DCC: variants seen among roughly 807,000 people sequenced by gnomAD.
DCC encodes netrin receptor DCC.
A neutral mutation model predicts 172.5 loss-of-function variants in DCC; 58 were observed. That is an observed-to-expected ratio of 0.34 (90% CI 0.27 to 0.42). The LOEUF (loss-of-function observed/expected upper bound fraction) is 0.42. DCC is among the 10% of genes least tolerant of loss of function. DCC has a pLI of 1.00. For missense variants in DCC, 1,740 were observed against 1,791.0 expected (o/e 0.97, Z 0.51); for synonymous variants, 709 against 644.5 (o/e 1.10, Z -1.52).
intron 25 of DCC, among the ~76,000 whole-genome samples, chr18:53,484,645 A>C (rs2144350832): frequency 6.6e-6 from 1 of 152,110 alleles, no homozygotes; most frequent in Admixed American, 6.6e-5. Context: ...ATTATTTTCA[A>C]TGTGAAAATC....
intron 26 of DCC, 135 bp from the exon 27 acceptor site, chr18:53,499,163 A>G (rs889696393): frequency 1.6e-5 from 13 of 828,522 alleles, no homozygotes; most frequent in Middle Eastern, 3.4e-4. Context: ...ACGAATGACA[A>G]TGTTCATAAC....
At chr18:53,124,194 T>A (rs2043522243) in intron 7 of DCC, among the ~76,000 whole-genome samples, 1 of 152,144 alleles carries the variant, frequency 6.6e-6, no homozygotes, top group Non-Finnish European at 1.5e-5. Flanking sequence ...TAAAACACTT[T>A]TAGGTTTAAC....
At chr18:52,737,069 G>T (rs1425164983) in intron 1 of DCC, among the ~76,000 whole-genome samples, 5 of 152,140 alleles carry the variant, frequency 3.3e-5, no homozygotes, top group African/African-American at 1.2e-4. Flanking sequence ...GGGACTTGCT[G>T]TTTATTATTT....
rs1441000378 is a variant in DCC at position 53,530,715 on chromosome 18, T to C, written c.*62T>C. 3.7e-5 allele frequency: 32 copies of C among 869,780 alleles called. No homozygotes were observed. The highest frequency in any genetic ancestry group is 5.6e-5 in the Non-Finnish European group (28 of 500,262). The allele number at this position is 869,780 out of a possible 1,614,324, so 53.9% of individuals were successfully genotyped here. A position where few individuals can be genotyped will look rare whatever the true frequency, so the allele number is the denominator to read the frequency against. ...AACTTTGCAGCATACCAATTACCCA[T>C]AAACAGCACACCTGTGTCCAAGAAC... On this transcript the variant is annotated 3_prime_UTR_variant, in exon 29 of 29. Coordinates refer to ENST00000442544, the MANE Select transcript of DCC (RefSeq NM_005215.4).
At chr18:52,851,384 C>T (rs552224183) in intron 2 of DCC, among the ~76,000 whole-genome samples, 20 of 152,026 alleles carry the variant, frequency 1.3e-4, no homozygotes, top group Admixed American at 2.0e-4. Flanking sequence ...CAATAGAATT[C>T]CCAAACAGCC....
At chr18:53,523,575 G>T (rs2046423613) in intron 27 of DCC, among the ~76,000 whole-genome samples, 1 of 152,136 alleles carries the variant, frequency 6.6e-6, no homozygotes, top group Non-Finnish European at 1.5e-5. Flanking sequence ...ATACAATGCA[G>T]CCATAAAAAA....
chr18:53,504,180 C>A (rs960227137), intron 27 of DCC, among the ~76,000 whole-genome samples: 1 of 152,194 alleles, frequency 6.6e-6, no homozygotes, highest in African/African-American at 2.4e-5. Flanking sequence ...TCTGCTATCA[C>A]ACAAAACTGC....
chr18:52,969,868 T>C (rs1357457921), intron 5 of DCC, among the ~76,000 whole-genome samples: 2 of 152,128 alleles, frequency 1.3e-5, no homozygotes, highest in African/African-American at 4.8e-5. Context: ...GCCTTGTGTG[T>C]AGCAGGTATT....
intron 12 of DCC, among the ~76,000 whole-genome samples, chr18:53,256,935 G>A (rs1454950158): frequency 1.3e-5 from 2 of 152,140 alleles, no homozygotes; most frequent in Non-Finnish European, 2.9e-5. Flanking sequence ...CACATCCCTT[G>A]TAAGTTGTAT....
chr18:52,488,771 G>C (rs551589611), intron 1 of DCC, among the ~76,000 whole-genome samples: 1 of 152,164 alleles, frequency 6.6e-6, no homozygotes, highest in South Asian at 2.1e-4. Context: ...GCATCTATAA[G>C]ACTGTTTTAT....
At chr18:53,526,971 T>TA in intron 28 of DCC, 1 of 574,404 alleles carries the variant, frequency 1.7e-6, no homozygotes, top group Non-Finnish European at 3.1e-6. Context: ...CTTAGTTATG[T>TA]AAAAAAGTTG....
chr18:52,532,913 G>T (rs1364577249), intron 1 of DCC, among the ~76,000 whole-genome samples: 1 of 152,000 alleles, frequency 6.6e-6, no homozygotes, highest in African/African-American at 2.4e-5. Context: ...TCTCCCTAAA[G>T]AGAACACCAT....
In DCC at chr18:53,481,830, G is replaced by C. The variant is rs115722407; in HGVS notation, c.3737-4967G>C. On this transcript the variant is annotated intron_variant, in intron 25 of 28. Transcript: ENST00000442544. ...AAGTTTTCAAATACCAATGTGCCTT[G>C]TTCAGGGAGCTAAGTAATTTGGTGA... Among the ~76,000 whole-genome samples, 1,372 of 152,218 alleles carry C rather than the reference G, an allele frequency of 9.0e-3. 23 individuals are homozygous for C. The highest frequency in any genetic ancestry group is 0.031 in the African/African-American group (1,301 of 41,524).
chr18:52,482,935 T>C (rs909920185), intron 1 of DCC, among the ~76,000 whole-genome samples: 3 of 152,150 alleles, frequency 2.0e-5, no homozygotes, highest in Non-Finnish European at 4.4e-5. Flanking sequence ...GCTTGGGGAC[T>C]AACAATAATT....
intron 12 of DCC, among the ~76,000 whole-genome samples, chr18:53,249,073 T>A (rs547830807): frequency 6.6e-6 from 1 of 152,050 alleles, no homozygotes; most frequent in East Asian, 1.9e-4. Flanking sequence ...AGCATAGAAA[T>A]TTTACTGCTT....
Position 52,416,342 on chromosome 18 carries a change from A to C in DCC, c.91+75464A>C, listed in dbSNP as rs547384685. Among the ~76,000 whole-genome samples, 70 of 151,844 alleles carry C rather than the reference A, an allele frequency of 4.6e-4. 2 individuals carry two copies. In the South Asian group the frequency reaches 0.014, roughly 31 times the overall value. The stretch of plus-strand genomic sequence containing the variant: ...TGTGGTGTGGTGCTGAAAAAAATGT[A>C]TATTCTGTTGATTTGGGGTGGAGAG... On this transcript the variant is annotated intron_variant, in intron 1 of 28. Transcript: ENST00000442544.
chr18:53,034,675 A>G (rs537752081), intron 5 of DCC, among the ~76,000 whole-genome samples: 1 of 150,776 alleles, frequency 6.6e-6, no homozygotes, highest in South Asian at 2.1e-4. Context: ...TCAATCTGTC[A>G]TATTAAGTCA....
At chr18:52,445,398 T>C (rs1988091300) in intron 1 of DCC, among the ~76,000 whole-genome samples, 1 of 152,152 alleles carries the variant, frequency 6.6e-6, no homozygotes, top group Non-Finnish European at 1.5e-5. Flanking sequence ...CTGCACTTAT[T>C]TACCTGTCTC....
chr18:53,482,476 C>G (rs993449592), intron 25 of DCC, among the ~76,000 whole-genome samples: 3 of 152,054 alleles, frequency 2.0e-5, no homozygotes, highest in Non-Finnish European at 4.4e-5. Flanking sequence ...CTCTAGAGTG[C>G]TCTCAGCACT....
Sources: allele counts gnomAD v4.1 joint callset (sites outside exome capture counted in the v4.1 genomes callset), GRCh38; gene constraint gnomAD v4.1.1; transcripts MANE v1.5; gene names NCBI Gene and HGNC (gene_info 2026-07-23, HGNC 2026-07-21).